The following GSK3B variants were observed in gnomAD, a reference collection of about 807,000 sequenced individuals.
GSK3B encodes glycogen synthase kinase-3 beta.
Under a neutral mutation model 56.4 loss-of-function variants are expected in GSK3B, and 15 were observed. That is an observed-to-expected ratio of 0.27 (90% CI 0.18 to 0.41). GSK3B has a LOEUF of 0.41. GSK3B is among the 10% of genes least tolerant of loss of function. GSK3B has a pLI of 1.00. For missense variants in GSK3B, 300 were observed against 513.4 expected, an observed-to-expected ratio of 0.58 and a Z score of 4.02; for synonymous variants, 181 against 188.9, an observed-to-expected ratio of 0.96 and a Z score of 0.34.
intron 5 of GSK3B, among the ~76,000 whole-genome samples, chr3:119,915,705 C>T (rs546145354): frequency 1.3e-5 from 2 of 152,054 alleles, no homozygotes; most frequent in African/African-American, 4.8e-5. Context: ...TTCATGGTTG[C>T]ATGTATTACT....
At chr3:120,025,620 A>G (rs1298267469) in intron 1 of GSK3B, among the ~76,000 whole-genome samples, 2 of 152,240 alleles carry the variant, frequency 1.3e-5, no homozygotes, top group Admixed American at 6.5e-5. Context: ...AGAGCACTAT[A>G]TCTGCAGGAC....
intron 2 of GSK3B, among the ~76,000 whole-genome samples, chr3:119,979,084 T>C (rs896113112): frequency 2.0e-5 from 3 of 152,240 alleles, no homozygotes; most frequent in African/African-American, 7.2e-5. Context: ...TTGGCTTAAG[T>C]GTTTAGTCTT....
At chr3:120,050,550 A>C (rs2107541611) in intron 1 of GSK3B, among the ~76,000 whole-genome samples, 1 of 152,330 alleles carries the variant, frequency 6.6e-6, no homozygotes, top group African/African-American at 2.4e-5. Flanking sequence ...CTACTGGTGG[A>C]GAACTAGGTG....
chr3:119,936,983 T>C lies in GSK3B; in HGVS notation c.366+10285A>G, dbSNP rs112660194. Among the ~76,000 whole-genome samples, 1,135 of 152,146 alleles carry C rather than the reference T, an allele frequency of 7.5e-3. 27 individuals are homozygous for C. Among genetic ancestry groups the C allele is most frequent in the African/African-American group, 0.025 (1,047 of 41,424 alleles). On this transcript the variant is annotated intron_variant, in intron 3 of 10. Coordinates refer to ENST00000264235, the MANE Select transcript of GSK3B (RefSeq NM_001146156.2). ...AGGTCTATGCAGGATAGACCATATA[T>C]TAGGCCACAAAACAATGTTAATAAA...
intron 9 of GSK3B, among the ~76,000 whole-genome samples, chr3:119,852,003 A>G (rs2055937148): frequency 1.3e-5 from 2 of 152,222 alleles, no homozygotes; most frequent in African/African-American, 2.4e-5. Flanking sequence ...AAACCACATC[A>G]TAACTGCTTC....
At chr3:119,971,465 T>C (rs1401286330) in intron 2 of GSK3B, among the ~76,000 whole-genome samples, 2 of 152,132 alleles carry the variant, frequency 1.3e-5, no homozygotes, top group African/African-American at 4.8e-5. Context: ...GCAGAATTAG[T>C]AAAAGCCCCA....
intron 10 of GSK3B, among the ~76,000 whole-genome samples, chr3:119,841,236 A>T (rs1379560525): frequency 6.6e-6 from 1 of 152,238 alleles, no homozygotes; most frequent in Non-Finnish European, 1.5e-5. Context: ...AGTTTGCTGT[A>T]ACCTGTATCA....
At chr3:119,983,860 T>C (rs918370494) in intron 2 of GSK3B, among the ~76,000 whole-genome samples, 6 of 152,182 alleles carry the variant, frequency 3.9e-5, no homozygotes, top group African/African-American at 7.2e-5. Flanking sequence ...GCAGACCTAA[T>C]AGACATCTAC....
At chr3:119,874,817 C>T (rs1035386064) in intron 8 of GSK3B, among the ~76,000 whole-genome samples, 1 of 152,048 alleles carries the variant, frequency 6.6e-6, no homozygotes, top group Non-Finnish European at 1.5e-5. Context: ...TTATTTAATA[C>T]ACAGAATTCT....
intron 3 of GSK3B, among the ~76,000 whole-genome samples, chr3:119,939,014 G>A (rs1273669355): frequency 6.7e-6 from 1 of 150,346 alleles, no homozygotes; most frequent in African/African-American, 2.5e-5. Flanking sequence ...TAAAATACAA[G>A]AAAAATGTCA....
chr3:119,907,909 C>G (rs1027268919), intron 6 of GSK3B, among the ~76,000 whole-genome samples: 3 of 152,130 alleles, frequency 2.0e-5, no homozygotes, highest in African/African-American at 7.2e-5. Flanking sequence ...TCTGTAAGTT[C>G]AATTCCTTGT....
chr3:120,085,289 G>T (rs334555), intron 1 of GSK3B, among the ~76,000 whole-genome samples: 2 of 152,140 alleles, frequency 1.3e-5, no homozygotes, highest in Non-Finnish European at 2.9e-5. Flanking sequence ...ATTATTAAAA[G>T]TCTACCAACT....
chr3:120,028,646 T>C (rs188375083), intron 1 of GSK3B: 7 of 341,430 alleles, frequency 2.1e-5, no homozygotes, highest in Non-Finnish European at 4.1e-5. Flanking sequence ...AATATGCTAC[T>C]TTAATAAATC....
chr3:119,929,860 C>A (rs1242932156), intron 3 of GSK3B, among the ~76,000 whole-genome samples: 2 of 150,202 alleles, frequency 1.3e-5, no homozygotes, highest in Non-Finnish European at 3.0e-5. Flanking sequence ...GAGATCACGC[C>A]ATTGCACCCC....
chr3:119,954,971 T>C lies in GSK3B; in HGVS notation c.283-7620A>G, dbSNP rs551185165. Among the ~76,000 whole-genome samples, 3 of 152,284 alleles carry C rather than the reference T, an allele frequency of 2.0e-5. No individual in the cohort carries two copies. The East Asian group carries it at 5.8e-4, about 29-fold the overall frequency. On this transcript the variant is annotated intron_variant, in intron 2 of 10. Transcript: ENST00000264235. The stretch of plus-strand genomic sequence containing the variant: ...TGGGCAGCATGTGGTTATCATCTTT[T>C]CTTCTTCATCAAAGTTTGTTCTGTT...
intron 5 of GSK3B, among the ~76,000 whole-genome samples, chr3:119,913,660 CA>C (rs199773113): frequency 4.3e-4 from 61 of 141,322 alleles, no homozygotes; most frequent in Admixed American, 7.7e-4. Flanking sequence ...CAGTAAGTGC[CA>C]AAAAAAAAAA....
intron 1 of GSK3B, among the ~76,000 whole-genome samples, chr3:120,032,202 C>T (rs1274261736): frequency 6.6e-6 from 1 of 152,082 alleles, no homozygotes; most frequent in East Asian, 1.9e-4. Context: ...TCAGCCTGTG[C>T]GTGGTGGCTC....
chr3:119,844,515 A>G (rs1047489077), intron 9 of GSK3B, among the ~76,000 whole-genome samples: 1 of 152,252 alleles, frequency 6.6e-6, no homozygotes, highest in Non-Finnish European at 1.5e-5. Flanking sequence ...CTGATCCCAC[A>G]GAAATACAAA....
intron 1 of GSK3B, among the ~76,000 whole-genome samples, chr3:120,074,770 T>C (rs539464856): frequency 1.1e-4 from 16 of 152,216 alleles, no homozygotes; most frequent in South Asian, 4.2e-4. Context: ...CCAGTGGTAA[T>C]TAAAATCCTC....
Sources: allele counts gnomAD v4.1 joint callset (sites outside exome capture counted in the v4.1 genomes callset), GRCh38; gene constraint gnomAD v4.1.1; transcripts MANE v1.5; gene names NCBI Gene and HGNC (gene_info 2026-07-23, HGNC 2026-07-21).